CUX1: variants seen among roughly 807,000 people sequenced by gnomAD.
The protein encoded by CUX1 is cut like homeobox 1.
A neutral mutation model predicts 158.8 loss-of-function variants in CUX1; 31 were observed. The ratio of observed to expected loss-of-function variants is 0.20; its 90% CI spans 0.15 to 0.26. CUX1 has a LOEUF of 0.26. Ranked by LOEUF, CUX1 falls within the 10% of genes least tolerant of loss-of-function variation. The pLI, the probability that CUX1 is intolerant of heterozygous loss-of-function variation, is 1.00. For synonymous variants in CUX1, 879 were observed against 862.1 expected (o/e 1.02, Z -0.34); for missense variants, 1,589 against 2,014.6 (o/e 0.79, Z 4.04).
rs1313109450 is a variant in CUX1, at chr7:101,895,902, GTTTTTGTTTTT to G, written c.31-20207_31-20197del. The stretch of plus-strand genomic sequence containing the variant: ...GTATCACCTGTAAAGTTTTTTTTTT[GTTTTTGTTTTT>G]TTTTTTTTTTTTTGGAGACAGGGTC... On this transcript the variant is annotated intron_variant, in intron 1 of 23. Coordinates refer to ENST00000292535, the MANE Select transcript of CUX1 (RefSeq NM_181552.4). Among the ~76,000 whole-genome samples, 148 of 40,438 alleles carry G rather than the reference GTTTTTGTTTTT, an allele frequency of 3.7e-3. 1 individual carries two copies. Among genetic ancestry groups the G allele is most frequent in the Non-Finnish European group, 5.3e-3 (115 of 21,510 alleles). 26.5% of individuals were successfully genotyped at this position (40,438 alleles called of 152,430 possible). A position where few individuals can be genotyped will look rare whatever the true frequency, so the allele number is the denominator to read the frequency against.
intron 15 of CUX1, chr7:102,274,205 G>A: frequency 6.3e-7 from 1 of 1,587,500 alleles, no homozygotes; most frequent in Non-Finnish European, 8.6e-7. Context: ...CGTGCCCATT[G>A]TGCGGAGGCA....
chr7:102,080,204 C>G (rs1827220955), intron 4 of CUX1, among the ~76,000 whole-genome samples: 1 of 152,198 alleles, frequency 6.6e-6, no homozygotes, highest in African/African-American at 2.4e-5. Flanking sequence ...TGAGAACACC[C>G]TGGATGTGAC....
At chr7:102,172,840 T>C (rs2131712105) in intron 10 of CUX1, among the ~76,000 whole-genome samples, 1 of 152,278 alleles carries the variant, frequency 6.6e-6, no homozygotes, top group Admixed American at 6.5e-5. Context: ...AGCAGGAGGA[T>C]CACTTGAGGC....
chr7:101,858,967 C>A (rs549820779), intron 1 of CUX1, among the ~76,000 whole-genome samples: 1 of 152,140 alleles, frequency 6.6e-6, no homozygotes, highest in Non-Finnish European at 1.5e-5. Context: ...TCCCTTCATG[C>A]GTTGTGAAAA....
intron 8 of CUX1, among the ~76,000 whole-genome samples, chr7:102,133,419 T>C (rs1217443689): frequency 6.7e-6 from 1 of 150,354 alleles, no homozygotes; most frequent in Non-Finnish European, 1.5e-5. Flanking sequence ...GTGGGGTCTA[T>C]AGAGAGAACC....
intron 2 of CUX1, among the ~76,000 whole-genome samples, chr7:102,012,261 C>T (rs1314879155): frequency 6.6e-6 from 1 of 152,028 alleles, no homozygotes; most frequent in African/African-American, 2.4e-5. Context: ...GATCTCGGCT[C>T]ACTGCAACCT....
intron 3 of CUX1, among the ~76,000 whole-genome samples, chr7:102,067,152 C>T (rs543966869): frequency 6.6e-6 from 1 of 152,196 alleles, no homozygotes; most frequent in East Asian, 1.9e-4. Flanking sequence ...TCCTTCCCAC[C>T]CACCCCCAGT....
intron 2 of CUX1, among the ~76,000 whole-genome samples, chr7:101,971,241 G>C (rs1346323528): frequency 6.6e-6 from 1 of 152,210 alleles, no homozygotes; most frequent in African/African-American, 2.4e-5. Context: ...CCTCCTGGCT[G>C]GTTGTGTTCT....
At chr7:102,106,079 CTTTTTTTTTTT>C (rs782580660) in intron 6 of CUX1, among the ~76,000 whole-genome samples, 2 of 72,270 alleles carry the variant, frequency 2.8e-5, no homozygotes, top group Non-Finnish European at 5.1e-5. Flanking sequence ...TTTCTTTTTT[CTTTTTTTTTTT>C]TTTTTTTTTT....
At chr7:102,189,463 A>G (rs1794044650) in intron 11 of CUX1, among the ~76,000 whole-genome samples, 1 of 146,600 alleles carries the variant, frequency 6.8e-6, no homozygotes, top group African/African-American at 2.5e-5. Context: ...CAGCACAATC[A>G]TAGCTCACTG....
chr7:102,239,207 G>A (rs1456353664), intron 22 of CUX1, 113 bp from the exon 23 acceptor site: 42 of 1,247,598 alleles, frequency 3.4e-5, no homozygotes, highest in Non-Finnish European at 4.4e-5. Context: ...GTTTTGAGAT[G>A]CTCTATGCAA....
At chr7:102,236,169 G>A (rs1295632784) in intron 22 of CUX1, among the ~76,000 whole-genome samples, 1 of 152,220 alleles carries the variant, frequency 6.6e-6, no homozygotes, top group Non-Finnish European at 1.5e-5. Flanking sequence ...AGATTTCAAA[G>A]CAGATGCTCT....
At chr7:101,839,042 G>A (rs753616220) in intron 1 of CUX1, among the ~76,000 whole-genome samples, 2 of 152,288 alleles carry the variant, frequency 1.3e-5, no homozygotes, top group East Asian at 1.9e-4. Context: ...GAGAGTGTGC[G>A]CAGGCAGGCA....
At position 102,070,530 on chromosome 7, in the gene CUX1, G is replaced by A. The variant is rs1004609349; in HGVS notation, c.268+113G>A. 9 of 731,726 alleles carry A rather than the reference G, an allele frequency of 1.2e-5. No homozygotes were observed. The Admixed American group carries it at 1.4e-4, about 12-fold the overall frequency. The allele number at this position is 731,726 out of a possible 1,614,324, so 45.3% of individuals were successfully genotyped here. A position where few individuals can be genotyped will look rare whatever the true frequency, so the allele number is the denominator to read the frequency against. On this transcript the variant is annotated intron_variant, in intron 4 of 23. Transcript: ENST00000292535. Reference sequence around the variant, plus strand: ...AAGGAAAATAAATACACCATCAGTGGCAACTTCCCCCCAAGAAACCAGGGA... The same window carrying A: ...AAGGAAAATAAATACACCATCAGTGACAACTTCCCCCCAAGAAACCAGGGA...
At chr7:102,052,842 C>G (rs1367432383) in intron 3 of CUX1, among the ~76,000 whole-genome samples, 2 of 152,196 alleles carry the variant, frequency 1.3e-5, no homozygotes, top group Non-Finnish European at 2.9e-5. Context: ...GGGTCTCGCT[C>G]TCTTGCCCAG....
chr7:102,158,726 G>A (rs968454160), intron 9 of CUX1, 118 bp downstream of exon 9: 8 of 900,576 alleles, frequency 8.9e-6, no homozygotes, highest in Admixed American at 7.9e-5. Context: ...TTTACTGACA[G>A]CTTTCAACGT....
At chr7:101,976,900 ATT>A (rs10643207) in intron 2 of CUX1, among the ~76,000 whole-genome samples, 14 of 39,456 alleles carry the variant, frequency 3.5e-4, no homozygotes, top group African/African-American at 7.8e-4. Context: ...TCCCTTTCTG[ATT>A]TTTTTTTTTT....
chr7:101,920,546 C>G (rs1436111425), intron 2 of CUX1, among the ~76,000 whole-genome samples: 3 of 152,320 alleles, frequency 2.0e-5, no homozygotes, highest in African/African-American at 7.2e-5. Flanking sequence ...CAGGCACGAG[C>G]CACTGCGCCC....
intron 19 of CUX1, chr7:102,280,688 G>A: frequency 9.8e-7 from 1 of 1,015,302 alleles, no homozygotes; most frequent in Non-Finnish European, 1.5e-6. Flanking sequence ...GCCCCCTGGG[G>A]GTCTGCAAGA....
Sources: allele counts gnomAD v4.1 joint callset (sites outside exome capture counted in the v4.1 genomes callset), GRCh38; gene constraint gnomAD v4.1.1; transcripts MANE v1.5; gene names NCBI Gene and HGNC (gene_info 2026-07-23, HGNC 2026-07-21).